SYNE1: variants seen among roughly 807,000 people sequenced by gnomAD.
SYNE1 encodes the protein nesprin-1.
In SYNE1, 616 loss-of-function variants were observed where a neutral mutation model predicts 1,111.0. The ratio of observed to expected loss-of-function variants is 0.55; its 90% CI spans 0.52 to 0.59. The LOEUF (loss-of-function observed/expected upper bound fraction) is 0.59. Among genes scored for constraint, SYNE1 ranks in the 20% least tolerant of loss-of-function variants. The pLI, the probability that SYNE1 is intolerant of heterozygous loss-of-function variation, is 0.00. For synonymous variants in SYNE1, 3,855 were observed against 3,825.8 expected, an observed-to-expected ratio of 1.01 and a Z score of -0.28; for missense variants, 10,006 against 10,417.0, an observed-to-expected ratio of 0.96 and a Z score of 1.72.
chr6:152,623,477 A>C, intron 3 of SYNE1, among the ~76,000 whole-genome samples: 1 of 152,156 alleles, frequency 6.6e-6, no homozygotes, highest in East Asian at 1.9e-4. Context: ...AGATTACATG[A>C]TGAAGATGCC....
At chr6:152,574,126 G>T (rs1441121787) in intron 3 of SYNE1, among the ~76,000 whole-genome samples, 1 of 145,750 alleles carries the variant, frequency 6.9e-6, no homozygotes, top group East Asian at 1.9e-4. Flanking sequence ...CAAATCTACA[G>T]TTATGGAATA....
chr6:152,364,706 A>AAGGG (rs2097025110), intron 63 of SYNE1, 141 bp downstream of exon 63: 1 of 846,892 alleles, frequency 1.2e-6, no homozygotes, highest in African/African-American at 1.8e-5. Context: ...GGAAGGAAGG[A>AAGGG]AGGAAGGAAG....
chr6:152,210,729 C>T (rs1056534312), intron 124 of SYNE1, among the ~76,000 whole-genome samples: 13 of 151,944 alleles, frequency 8.6e-5, no homozygotes, highest in South Asian at 2.1e-4. Context: ...AATATCACCA[C>T]GGAAAGTCGA....
intron 20 of SYNE1, among the ~76,000 whole-genome samples, 174 bp from the exon 21 acceptor site, chr6:152,461,914 T>C: frequency 6.6e-6 from 1 of 152,154 alleles, no homozygotes; most frequent in African/African-American, 2.4e-5. Flanking sequence ...ATATTGGTAA[T>C]ATTATATAGT....
chr6:152,259,526 G>C (rs1341739465), intron 101 of SYNE1, among the ~76,000 whole-genome samples: 1 of 152,132 alleles, frequency 6.6e-6, no homozygotes, highest in East Asian at 1.9e-4. Flanking sequence ...TTGCCATTAA[G>C]GTAGTATGAA....
At chr6:152,147,660 G>C (rs551232163) in intron 137 of SYNE1, 1 of 263,812 alleles carries the variant, frequency 3.8e-6, no homozygotes, top group African/African-American at 2.3e-5. Context: ...CTTTCCCGAA[G>C]TCTCTCCCAG....
At chr6:152,493,629 CA>C (rs1249347648) in intron 11 of SYNE1, among the ~76,000 whole-genome samples, 2 of 152,150 alleles carry the variant, frequency 1.3e-5, no homozygotes, top group African/African-American at 4.8e-5. Context: ...CCTGCTCCTC[CA>C]ACATCTATTC....
intron 3 of SYNE1, among the ~76,000 whole-genome samples, chr6:152,572,818 G>T (rs2099470700): frequency 6.6e-6 from 1 of 152,178 alleles, no homozygotes; most frequent in South Asian, 2.1e-4. Context: ...GTGTGTGAAT[G>T]ATGTGTGTTG....
intron 87 of SYNE1, among the ~76,000 whole-genome samples, chr6:152,312,785 C>T (rs2095593407): frequency 6.6e-6 from 1 of 151,836 alleles, no homozygotes; most frequent in African/African-American, 2.4e-5. Flanking sequence ...TACATTTGGG[C>T]ACATTTTTAG....
intron 69 of SYNE1, 115 bp downstream of exon 69, chr6:152,353,148 G>T (rs1054911541): frequency 1.5e-6 from 2 of 1,370,252 alleles, no homozygotes; most frequent in East Asian, 2.3e-5. Context: ...ATGAGCTCAG[G>T]ATCACCAATC....
chr6:152,138,389 T>C (rs1244923736), intron 140 of SYNE1, among the ~76,000 whole-genome samples: 1 of 151,948 alleles, frequency 6.6e-6, no homozygotes, highest in Non-Finnish European at 1.5e-5. Flanking sequence ...TGCATGCCTG[T>C]AGTCCCAGCT....
rs1027742404 is a variant in SYNE1 at position 152,510,387 on chromosome 6, C to T, written c.403-16G>A. On this transcript the variant is annotated splice_polypyrimidine_tract_variant and intron_variant, in intron 7 of 145. Coordinates refer to ENST00000367255, the MANE Select transcript of SYNE1 (RefSeq NM_182961.4). Reference sequence around the variant, plus strand: ...ACTCTTCAATCTGTTTGTGAGTTAACAGCCAGCAAAAATATAAGCATTATC... The same window carrying T: ...ACTCTTCAATCTGTTTGTGAGTTAATAGCCAGCAAAAATATAAGCATTATC... 6.2e-7 allele frequency: 1 copy of T among 1,613,054 alleles called. No individual in the cohort carries two copies. The highest frequency in any genetic ancestry group is 2.2e-5 in the East Asian group (1 of 44,840).
chr6:152,378,116 A>G (rs1019523892), intron 56 of SYNE1, among the ~76,000 whole-genome samples: 14 of 152,236 alleles, frequency 9.2e-5, no homozygotes, highest in African/African-American at 3.1e-4. Flanking sequence ...TACTTAGCAC[A>G]GTTCCTAGCA....
Position 152,428,246 on chromosome 6 carries a change from C to A in SYNE1, c.4935G>T (p.Glu1645Asp). 1 of 1,613,992 alleles carries A rather than the reference C, an allele frequency of 6.2e-7. No individual in the cohort carries two copies. Among genetic ancestry groups the A allele is most frequent in the Non-Finnish European group, 8.5e-7 (1 of 1,180,034 alleles). ...QYEDILRRAK[E>D]RQTALENLLA... ...GCAGATTCTCCAGCGCCGTCTGTCT[C>A]TCCTTCGCCCTCCTTAGGATGTCCT... The change falls in exon 37 of 146, where the codon GAG becomes GAT. Residue 1645 changes from glutamate (E) to aspartate (D), a missense_variant. By Grantham distance (45) the Glu-to-Asp change is conservative. This residue lies in a region of SYNE1 where 1,971 missense variants were observed against 2,084.1 expected (regional missense o/e 0.95). Transcript: ENST00000367255.
Position 152,122,328 on chromosome 6 carries a change from AC to A in SYNE1, c.*107del. The A allele has an allele frequency of 6.3e-7, 1 of 1,586,458 alleles. No homozygotes were observed. Among genetic ancestry groups the A allele is most frequent in the South Asian group, 1.1e-5 (1 of 89,732 alleles). On this transcript the variant is annotated 3_prime_UTR_variant, in exon 146 of 146. Coordinates refer to ENST00000367255, the MANE Select transcript of SYNE1 (RefSeq NM_182961.4). ...TCTGGAGGAGGGCTAAAGCTGCCAC[AC>A]CGAGGGCTTTCGCCAAGATCAAGGT...
intron 3 of SYNE1, among the ~76,000 whole-genome samples, chr6:152,563,913 C>G (rs1444178486): frequency 6.6e-6 from 1 of 152,124 alleles, no homozygotes; most frequent in Non-Finnish European, 1.5e-5. Context: ...TAGAAATACA[C>G]ATAGCAAGTT....
intron 140 of SYNE1, among the ~76,000 whole-genome samples, chr6:152,137,801 C>G (rs2813567): frequency 0.36 from 54,259 of 152,066 alleles, 10,657 homozygotes; most frequent in African/African-American, 0.51. Context: ...ACACAGACAA[C>G]ATGGGTTTAA....
At position 152,136,712 on chromosome 6, in the gene SYNE1, TCCTG is replaced by T; in HGVS notation, c.25561_25564del (p.Gln8521IlefsTer6). On this transcript the variant is annotated frameshift_variant, in exon 141 of 146. Coordinates refer to ENST00000367255, the MANE Select transcript of SYNE1 (RefSeq NM_182961.4). LOFTEE classifies it high-confidence loss of function. ...GCGCCCATTCATCTGCGACAAGCGA[TCCTG>T]CAGGTCCCGGCTCTCCTTGCTGTCA... 1 of 1,614,210 alleles carries T rather than the reference TCCTG, an allele frequency of 6.2e-7. No homozygotes were observed. The highest frequency in any genetic ancestry group is 8.5e-7 in the Non-Finnish European group (1 of 1,180,046).
At position 152,141,195 on chromosome 6, in the gene SYNE1, G is replaced by C. The variant is rs760126474; in HGVS notation, c.25246+8C>G. On this transcript the variant is annotated splice_region_variant and intron_variant, in intron 139 of 145. Coordinates refer to ENST00000367255, the MANE Select transcript of SYNE1 (RefSeq NM_182961.4). ...CATTCACTCTTGAACTGGATGCTAC[G>C]CACTCACCAGCCGTTTGGGTTTCGG... The C allele has an allele frequency of 1.2e-6, 2 of 1,614,016 alleles. No individual in the cohort carries two copies. Among genetic ancestry groups the C allele is most frequent in the Non-Finnish European group, 1.7e-6 (2 of 1,179,962 alleles).
Sources: gnomAD v4.1 joint callset for allele counts (sites outside exome capture counted in the v4.1 genomes callset) on GRCh38, gnomAD v4.1.1 for gene constraint, gnomAD v4.1.1 regional missense constraint, MANE v1.5 for transcripts, NCBI Gene and HGNC (gene_info 2026-07-23, HGNC 2026-07-21) for gene names.